The following CDKAL1 variants were observed in gnomAD, a reference collection of about 807,000 sequenced individuals.
The protein encoded by CDKAL1 is threonylcarbamoyladenosine tRNA methylthiotransferase.
A neutral mutation model predicts 68.2 loss-of-function variants in CDKAL1; 32 were observed. The ratio of observed to expected loss-of-function variants is 0.47; its 90% CI spans 0.35 to 0.63. The LOEUF is 0.63. Ranked by LOEUF, CDKAL1 falls within the 30% of genes least tolerant of loss-of-function variation. CDKAL1 has a pLI of 0.00. For synonymous variants in CDKAL1, 234 were observed against 244.3 expected, an observed-to-expected ratio of 0.96 and a Z score of 0.39; for missense variants, 606 against 696.7, an observed-to-expected ratio of 0.87 and a Z score of 1.47.
chr6:20,815,531 T>C (rs921119889), intron 8 of CDKAL1, among the ~76,000 whole-genome samples: 4 of 152,120 alleles, frequency 2.6e-5, no homozygotes, highest in African/African-American at 9.7e-5. Flanking sequence ...TTCTCTTTTT[T>C]GATGGTTATC....
At chr6:21,044,487 C>T (rs1770110990) in intron 11 of CDKAL1, among the ~76,000 whole-genome samples, 1 of 152,172 alleles carries the variant, frequency 6.6e-6, no homozygotes, top group Non-Finnish European at 1.5e-5. Flanking sequence ...TGGTCACAGA[C>T]AAAACTTTCT....
intron 4 of CDKAL1, among the ~76,000 whole-genome samples, chr6:20,625,763 G>A (rs535819049): frequency 2.6e-5 from 4 of 152,026 alleles, no homozygotes; most frequent in African/African-American, 9.7e-5. Flanking sequence ...AGATTTTGCT[G>A]TAGTAAAGAT....
At chr6:20,599,068 T>C (rs1765968171) in intron 4 of CDKAL1, among the ~76,000 whole-genome samples, 1 of 152,072 alleles carries the variant, frequency 6.6e-6, no homozygotes, top group Non-Finnish European at 1.5e-5. Flanking sequence ...TAGTTCAAAA[T>C]ACCCAAAATA....
At chr6:20,887,688 T>TTTTTTTTTTTTTTTTTTTTTTTTTTTTTG (rs1581766923) in intron 9 of CDKAL1, among the ~76,000 whole-genome samples, 3 of 116,572 alleles carry the variant, frequency 2.6e-5, no homozygotes, top group South Asian at 2.8e-4. Context: ...GATTACTTTC[T>TTTTTTTTTTTTTTTTTTTTTTTTTTTTTG]AGAGGAAAGT....
At chr6:21,079,417 G>T (rs4496780) in intron 12 of CDKAL1, among the ~76,000 whole-genome samples, 134,923 of 152,182 alleles carry the variant, frequency 0.89, 60,101 homozygotes, top group East Asian at 0.99. Flanking sequence ...AAGAGATAGA[G>T]TTGGAAACTA....
chr6:21,126,168 T>C (rs1388272452), intron 13 of CDKAL1, among the ~76,000 whole-genome samples: 1 of 152,250 alleles, frequency 6.6e-6, no homozygotes, highest in African/African-American at 2.4e-5. Flanking sequence ...TATTTCCATA[T>C]TTCATATTTA....
intron 10 of CDKAL1, among the ~76,000 whole-genome samples, chr6:20,959,553 T>A (rs950742567): frequency 6.6e-6 from 1 of 152,090 alleles, no homozygotes; most frequent in Non-Finnish European, 1.5e-5. Context: ...TATATCTTTT[T>A]TTTTTTTTAC....
At chr6:21,096,297 C>A (rs1425135002) in intron 12 of CDKAL1, among the ~76,000 whole-genome samples, 2 of 152,120 alleles carry the variant, frequency 1.3e-5, no homozygotes, top group African/African-American at 4.8e-5. Context: ...TTTCTCCATT[C>A]TTTTTTCATC....
At chr6:21,028,541 G>A (rs185718185) in intron 11 of CDKAL1, among the ~76,000 whole-genome samples, 95 of 152,178 alleles carry the variant, frequency 6.2e-4, no homozygotes, top group African/African-American at 2.1e-3. Context: ...GTGTGACATG[G>A]GGAGAGAGAG....
chr6:20,692,531 G>T (rs530999684), intron 5 of CDKAL1, among the ~76,000 whole-genome samples: 23 of 152,226 alleles, frequency 1.5e-4, no homozygotes, highest in African/African-American at 4.6e-4. Flanking sequence ...GGTCACAGAG[G>T]GGGTTAATTA....
At chr6:21,037,882 G>A (rs1018753368) in intron 11 of CDKAL1, among the ~76,000 whole-genome samples, 18 of 152,184 alleles carry the variant, frequency 1.2e-4, no homozygotes, top group Non-Finnish European at 1.8e-4. Flanking sequence ...TTGACAATCA[G>A]ATCTCAATAA....
intron 11 of CDKAL1, among the ~76,000 whole-genome samples, chr6:21,033,639 C>G (rs1486015100): frequency 6.6e-6 from 1 of 152,162 alleles, no homozygotes; most frequent in Non-Finnish European, 1.5e-5. Flanking sequence ...CCTTGGCATA[C>G]TGTCATGTTC....
At chr6:20,890,229 C>T (rs1761320696) in intron 9 of CDKAL1, among the ~76,000 whole-genome samples, 1 of 152,226 alleles carries the variant, frequency 6.6e-6, no homozygotes, top group Non-Finnish European at 1.5e-5. Context: ...TTACAATGTA[C>T]ACACCATGTG....
chr6:20,848,975 G>T (rs990717968), intron 9 of CDKAL1, among the ~76,000 whole-genome samples: 2 of 151,766 alleles, frequency 1.3e-5, no homozygotes, highest in Admixed American at 6.6e-5. Context: ...AAATTTTTTA[G>T]AGAGAAAGAG....
At chr6:21,081,275 A>T (rs149618166) in intron 12 of CDKAL1, among the ~76,000 whole-genome samples, 26 of 152,334 alleles carry the variant, frequency 1.7e-4, no homozygotes, top group African/African-American at 6.3e-4. Flanking sequence ...GAGTTGAGAA[A>T]GACTGAGTGA....
At chr6:20,697,407 GATA>G (rs946827465) in intron 5 of CDKAL1, among the ~76,000 whole-genome samples, 3 of 152,232 alleles carry the variant, frequency 2.0e-5, no homozygotes, top group Non-Finnish European at 2.9e-5. Context: ...AAGATAATGT[GATA>G]ATAATGTGAT....
At chr6:20,614,842 A>G (rs956134064) in intron 4 of CDKAL1, among the ~76,000 whole-genome samples, 8 of 151,784 alleles carry the variant, frequency 5.3e-5, no homozygotes, top group Non-Finnish European at 1.0e-4. Flanking sequence ...GGTTAGTTAC[A>G]TATGTATACA....
intron 13 of CDKAL1, among the ~76,000 whole-genome samples, chr6:21,176,129 G>T (rs1185647100): frequency 6.6e-6 from 1 of 152,174 alleles, no homozygotes; most frequent in Non-Finnish European, 1.5e-5. Flanking sequence ...ATAGTTATTT[G>T]TTAAGTGATA....
chr6:20,994,152 C>T (rs569070482), intron 10 of CDKAL1, among the ~76,000 whole-genome samples: 3 of 152,190 alleles, frequency 2.0e-5, no homozygotes, highest in Admixed American at 6.5e-5. Context: ...AACCTGAGAC[C>T]CTTCCCTTCA....
Sources: allele counts gnomAD v4.1 joint callset (sites outside exome capture counted in the v4.1 genomes callset), GRCh38; gene constraint gnomAD v4.1.1; transcripts MANE v1.5; gene names NCBI Gene and HGNC (gene_info 2026-07-23, HGNC 2026-07-21).